Variants in FSTL5 observed in about 807,000 individuals in gnomAD.
FSTL5 encodes the protein follistatin like 5.
Under a neutral mutation model 89.1 loss-of-function variants are expected in FSTL5, and 62 were observed. The ratio of observed to expected loss-of-function variants is 0.70; its 90% CI spans 0.57 to 0.86. The LOEUF is 0.86. Among genes scored for constraint, FSTL5 ranks in the 40% least tolerant of loss-of-function variants. FSTL5 has a pLI of 0.00. For missense variants in FSTL5, 1,057 were observed against 1,001.6 expected (o/e 1.06, Z -0.75); for synonymous variants, 383 against 346.2 (o/e 1.11, Z -1.18).
intron 11 of FSTL5, among the ~76,000 whole-genome samples, chr4:161,504,054 T>A (rs917116487): frequency 5.3e-5 from 8 of 151,978 alleles, no homozygotes; most frequent in Non-Finnish European, 1.2e-4. Context: ...CATCTTCTAT[T>A]AAGCCTGAAA....
intron 15 of FSTL5, among the ~76,000 whole-genome samples, chr4:161,431,522 T>C (rs898556437): frequency 6.7e-6 from 1 of 148,648 alleles, no homozygotes; most frequent in Admixed American, 6.7e-5. Context: ...TCACCTTCAC[T>C]TAAAAGAAGA....
At chr4:161,705,952 G>GTATATATATATATA (rs1206067350) in intron 6 of FSTL5, among the ~76,000 whole-genome samples, 3 of 30,654 alleles carry the variant, frequency 9.8e-5, no homozygotes, top group African/African-American at 4.4e-4. Context: ...GTAGATGTGT[G>GTATATATATATATA]TATATATATA....
intron 4 of FSTL5, among the ~76,000 whole-genome samples, chr4:161,870,745 C>T (rs1384909118): frequency 1.3e-5 from 2 of 152,108 alleles, no homozygotes; most frequent in Admixed American, 6.5e-5. Context: ...GGATGCATTA[C>T]AAATGTTCAA....
chr4:161,399,105 C>A (rs1429709092), intron 15 of FSTL5, among the ~76,000 whole-genome samples: 2 of 152,054 alleles, frequency 1.3e-5, no homozygotes, highest in African/African-American at 4.8e-5. Flanking sequence ...GAAGTCTGTG[C>A]ATGGACTGAA....
intron 15 of FSTL5, among the ~76,000 whole-genome samples, chr4:161,440,387 C>T (rs890981354): frequency 6.6e-6 from 1 of 151,148 alleles, no homozygotes; most frequent in Non-Finnish European, 1.5e-5. Flanking sequence ...ATAAAATACA[C>T]TAACACTAAT....
chr4:161,584,164 A>C (rs1733529315), intron 8 of FSTL5, among the ~76,000 whole-genome samples: 1 of 152,156 alleles, frequency 6.6e-6, no homozygotes, highest in Admixed American at 6.5e-5. Flanking sequence ...ATTGCAAGAT[A>C]ATTATTCGAC....
chr4:162,136,987 G>A (rs12504680), intron 1 of FSTL5, among the ~76,000 whole-genome samples: 35,318 of 151,766 alleles, frequency 0.23, 4,293 homozygotes, highest in Non-Finnish European at 0.26. Context: ...TTTGAAACAG[G>A]CTGTTATAAA....
At chr4:161,529,496 GAC>G (rs1731340817) in intron 10 of FSTL5, among the ~76,000 whole-genome samples, 1 of 141,972 alleles carries the variant, frequency 7.0e-6, no homozygotes, top group African/African-American at 2.5e-5. Context: ...TTCATCTTAA[GAC>G]ATTTTATTTC....
chr4:161,766,512 C>G (rs1381428772), intron 5 of FSTL5, among the ~76,000 whole-genome samples: 1 of 152,276 alleles, frequency 6.6e-6, no homozygotes, highest in Non-Finnish European at 1.5e-5. Context: ...GATGGTTCCC[C>G]ATATTGCTCT....
At chr4:161,934,525 T>G (rs1734380775) in intron 3 of FSTL5, among the ~76,000 whole-genome samples, 1 of 152,126 alleles carries the variant, frequency 6.6e-6, no homozygotes, top group African/African-American at 2.4e-5. Flanking sequence ...TGATCAGTAG[T>G]GTTTAGAAGC....
intron 7 of FSTL5, among the ~76,000 whole-genome samples, chr4:161,631,541 CA>C (rs970326799): frequency 1.3e-5 from 2 of 152,094 alleles, no homozygotes; most frequent in Non-Finnish European, 2.9e-5. Context: ...CACTTGAACC[CA>C]GGGGGCAGAG....
intron 3 of FSTL5, among the ~76,000 whole-genome samples, chr4:161,998,857 AACAC>A (rs10585971): frequency 0.039 from 5,770 of 146,170 alleles, 280 homozygotes; most frequent in East Asian, 0.23. Context: ...ACACACACAC[AACAC>A]ACACACACAC....
At chr4:162,091,145 A>G (rs563901585) in intron 2 of FSTL5, among the ~76,000 whole-genome samples, 1 of 152,164 alleles carries the variant, frequency 6.6e-6, no homozygotes, top group Non-Finnish European at 1.5e-5. Flanking sequence ...CATTTCTTTC[A>G]GGTTTCAGCT....
intron 11 of FSTL5, among the ~76,000 whole-genome samples, chr4:161,502,423 G>T (rs999956005): frequency 2.6e-5 from 4 of 151,854 alleles, no homozygotes; most frequent in African/African-American, 9.7e-5. Flanking sequence ...ACAAGTTACT[G>T]AAGAAATACA....
chr4:162,099,305 T>C (rs983011214), intron 2 of FSTL5, among the ~76,000 whole-genome samples: 2 of 152,132 alleles, frequency 1.3e-5, no homozygotes, highest in African/African-American at 2.4e-5. Context: ...AATTATTGCA[T>C]AAAGCTACTG....
At chr4:161,475,152 T>G (rs763548086) in intron 13 of FSTL5, among the ~76,000 whole-genome samples, 1 of 152,048 alleles carries the variant, frequency 6.6e-6, no homozygotes, top group Non-Finnish European at 1.5e-5. Flanking sequence ...TGTAGAGTTG[T>G]TTCCCTCTTG....
chr4:161,851,410 C>T (rs961073331), intron 4 of FSTL5, among the ~76,000 whole-genome samples: 2 of 152,118 alleles, frequency 1.3e-5, no homozygotes, highest in African/African-American at 4.8e-5. Context: ...GTCTGGTTAA[C>T]TACCTGACGA....
At chr4:161,815,746 C>G (rs577945891) in intron 4 of FSTL5, among the ~76,000 whole-genome samples, 9 of 151,828 alleles carry the variant, frequency 5.9e-5, no homozygotes, top group African/African-American at 2.2e-4. Context: ...GTATATTCAG[C>G]GAATAATTTA....
intron 6 of FSTL5, among the ~76,000 whole-genome samples, chr4:161,711,083 C>T (rs1474913531): frequency 6.6e-6 from 1 of 152,014 alleles, no homozygotes; most frequent in East Asian, 1.9e-4. Flanking sequence ...TTATGAAATA[C>T]ATATTATCTA....
Sources: gnomAD v4.1 joint callset for allele counts (sites outside exome capture counted in the v4.1 genomes callset) on GRCh38, gnomAD v4.1.1 for gene constraint, MANE v1.5 for transcripts, NCBI Gene and HGNC (gene_info 2026-07-23, HGNC 2026-07-21) for gene names.